The following VPS8 variants were observed in gnomAD, a reference collection of about 807,000 sequenced individuals.
VPS8 encodes vacuolar protein sorting-associated protein 8 homolog.
A neutral mutation model predicts 216.4 loss-of-function variants in VPS8; 129 were observed. The ratio of observed to expected loss-of-function variants is 0.60; its 90% confidence interval spans 0.52 to 0.69. The LOEUF (loss-of-function observed/expected upper bound fraction) is 0.69, where lower values mean the gene tolerates loss of function less well. Ranked by LOEUF, VPS8 falls within the 30% of genes least tolerant of loss-of-function variation. VPS8 has a pLI of 0.00. For synonymous variants in VPS8, 571 were observed against 565.4 expected (o/e 1.01, Z -0.14); for missense variants, 1,531 against 1,683.5 (o/e 0.91, Z 1.59).
intron 37 of VPS8, among the ~76,000 whole-genome samples, chr3:184,961,556 C>A (rs1027378200): frequency 1.3e-5 from 2 of 151,868 alleles, no homozygotes; most frequent in African/African-American, 4.8e-5. Context: ...TGTCTTATTC[C>A]CCCCTCTCCC....
chr3:184,937,649 A>C (rs1287578175), intron 35 of VPS8, among the ~76,000 whole-genome samples: 1 of 152,172 alleles, frequency 6.6e-6, no homozygotes, highest in Non-Finnish European at 1.5e-5. Flanking sequence ...GAGATCCCTA[A>C]TCTGGTCTTG....
chr3:184,820,541 G>T (rs547335839), intron 1 of VPS8, among the ~76,000 whole-genome samples: 1 of 152,232 alleles, frequency 6.6e-6, no homozygotes, highest in South Asian at 2.1e-4. Context: ...ATTAGGACTG[G>T]CATTGTTGGA....
intron 45 of VPS8, among the ~76,000 whole-genome samples, chr3:185,017,694 G>A (rs1286331700): frequency 6.6e-6 from 1 of 152,216 alleles, no homozygotes; most frequent in Non-Finnish European, 1.5e-5. Flanking sequence ...CTTTTGCGGG[G>A]GTTCCCAGGC....
At chr3:184,839,253 T>G (rs1721677889) in intron 6 of VPS8, 1 of 178,060 alleles carries the variant, frequency 5.6e-6, no homozygotes, top group Admixed American at 6.0e-5. Context: ...TTAGTCAGTC[T>G]TTGGTAAGGA....
Position 184,868,931 on chromosome 3 carries a change from A to AT in VPS8, c.1507-10dup, listed in dbSNP as rs775073547. 6.3e-7 allele frequency: 1 copy of AT among 1,595,162 alleles called. No individual in the cohort carries two copies. The highest frequency in any genetic ancestry group is 8.5e-7 in the Non-Finnish European group (1 of 1,170,668). On this transcript the variant is annotated splice_polypyrimidine_tract_variant and intron_variant, in intron 18 of 47. Coordinates refer to ENST00000625842, the MANE Select transcript of VPS8 (RefSeq NM_001009921.3). ...CAGACAAAGGGGCCTGGTTTCTCTC[A>AT]TTTTTCCGTTTTAGAGAGTGGATCA...
intron 39 of VPS8, among the ~76,000 whole-genome samples, chr3:184,967,609 A>T (rs1260766458): frequency 6.6e-6 from 1 of 152,124 alleles, no homozygotes; most frequent in Non-Finnish European, 1.5e-5. Context: ...AGGCCGAGGC[A>T]GGTGGATCAC....
intron 1 of VPS8, among the ~76,000 whole-genome samples, chr3:184,818,747 CTT>C (rs1214691745): frequency 6.6e-6 from 1 of 152,096 alleles, no homozygotes; most frequent in Non-Finnish European, 1.5e-5. Context: ...TAAATAAAAA[CTT>C]GATTCTATTT....
chr3:185,029,914 A>G (rs889169931), intron 46 of VPS8, among the ~76,000 whole-genome samples: 1 of 152,180 alleles, frequency 6.6e-6, no homozygotes, highest in Non-Finnish European at 1.5e-5. Flanking sequence ...ATTCTTTACA[A>G]AAGCTTTAAA....
intron 14 of VPS8, among the ~76,000 whole-genome samples, chr3:184,859,243 C>T (rs1362890951): frequency 2.0e-5 from 3 of 152,186 alleles, no homozygotes; most frequent in South Asian, 2.1e-4. Context: ...CTTCTTAAAA[C>T]GAGTTACCCA....
At chr3:184,940,401 T>C (rs1230534859) in intron 36 of VPS8, among the ~76,000 whole-genome samples, 158 bp downstream of exon 36, 1 of 152,030 alleles carries the variant, frequency 6.6e-6, no homozygotes, top group East Asian at 1.9e-4. Context: ...AATGTGAAAA[T>C]AGAAGATCTG....
intron 45 of VPS8, among the ~76,000 whole-genome samples, chr3:185,019,791 G>A (rs1756390812): frequency 6.6e-6 from 1 of 152,154 alleles, no homozygotes; most frequent in Non-Finnish European, 1.5e-5. Flanking sequence ...GCCAGATTTG[G>A]GTACCTGTTC....
At chr3:184,839,210 T>C (rs1289659392) in intron 6 of VPS8, 2 of 177,056 alleles carry the variant, frequency 1.1e-5, no homozygotes, top group Non-Finnish European at 2.3e-5. Flanking sequence ...CTCTCTCTTC[T>C]TGTCTTCCTC....
At chr3:185,011,001 A>G (rs761192469) in intron 45 of VPS8, among the ~76,000 whole-genome samples, 15 of 152,188 alleles carry the variant, frequency 9.9e-5, no homozygotes, top group Admixed American at 6.5e-5. Context: ...CCTATCTCAA[A>G]AAAACAAAAA....
intron 45 of VPS8, among the ~76,000 whole-genome samples, chr3:185,001,161 A>G (rs146035685): frequency 6.6e-6 from 1 of 152,200 alleles, no homozygotes; most frequent in Admixed American, 6.5e-5. Flanking sequence ...AGGATTTTTA[A>G]CAGAGTACTC....
At chr3:184,886,284 T>G in intron 22 of VPS8, 128 bp downstream of exon 22, 1 of 922,526 alleles carries the variant, frequency 1.1e-6, no homozygotes, top group Non-Finnish European at 1.6e-6. Context: ...AGAAATTTGA[T>G]TCTTTAACAG....
chr3:185,009,595 C>G (rs1422968846), intron 45 of VPS8, among the ~76,000 whole-genome samples: 1 of 152,048 alleles, frequency 6.6e-6, no homozygotes, highest in African/African-American at 2.4e-5. Flanking sequence ...GGACAAGATG[C>G]ATTTGGAGTT....
chr3:184,953,674 C>T (rs1745102913), intron 36 of VPS8, among the ~76,000 whole-genome samples: 1 of 152,206 alleles, frequency 6.6e-6, no homozygotes, highest in Non-Finnish European at 1.5e-5. Flanking sequence ...TTAATTTCTA[C>T]AGGGAATCAA....
chr3:184,894,053 A>G (rs1732868737), intron 22 of VPS8, among the ~76,000 whole-genome samples: 1 of 152,220 alleles, frequency 6.6e-6, no homozygotes, highest in African/African-American at 2.4e-5. Context: ...AAAGTAATTT[A>G]AAACAATTTT....
chr3:185,014,215 G>A (rs1475583512), intron 45 of VPS8, among the ~76,000 whole-genome samples: 1 of 152,220 alleles, frequency 6.6e-6, no homozygotes, highest in Non-Finnish European at 1.5e-5. Flanking sequence ...GTTACTCATT[G>A]TGACTGGTTG....
Sources: gnomAD v4.1 joint callset for allele counts (sites outside exome capture counted in the v4.1 genomes callset) on GRCh38, gnomAD v4.1.1 for gene constraint, MANE v1.5 for transcripts, NCBI Gene and HGNC (gene_info 2026-07-23, HGNC 2026-07-21) for gene names.